Variants in NECAB1 observed in about 807,000 individuals in gnomAD.
NECAB1 encodes N-terminal EF-hand calcium binding protein 1, also known as N-terminal EF-hand calcium-binding protein 1.
NECAB1 carries 29 observed loss-of-function variants against 57.5 expected under a neutral mutation model. That is an observed-to-expected ratio of 0.50 (90% CI 0.38 to 0.69). The LOEUF (loss-of-function observed/expected upper bound fraction) is 0.69. NECAB1 is among the 30% of genes least tolerant of loss of function. The probability of loss-of-function intolerance (pLI) is 0.00; values close to 1 mark genes in which losing one functional copy is unlikely to be tolerated. For synonymous variants in NECAB1, 142 were observed against 147.7 expected (o/e 0.96, Z 0.28); for missense variants, 372 against 413.8 (o/e 0.90, Z 0.88).
At chr8:90,947,141 T>C (rs1468755620) in intron 10 of NECAB1, among the ~76,000 whole-genome samples, 3 of 152,140 alleles carry the variant, frequency 2.0e-5, no homozygotes, top group African/African-American at 4.8e-5. Context: ...TTAATAGATA[T>C]GTGCATTTTC....
At chr8:90,886,172 T>A (rs1038186544) in intron 5 of NECAB1, among the ~76,000 whole-genome samples, 4 of 152,136 alleles carry the variant, frequency 2.6e-5, no homozygotes, top group Admixed American at 2.6e-4. Flanking sequence ...CTTACTAGAA[T>A]GAAATATATC....
chr8:90,828,553 A>T (rs1327361326), intron 3 of NECAB1, among the ~76,000 whole-genome samples: 1 of 152,022 alleles, frequency 6.6e-6, no homozygotes, highest in Admixed American at 6.6e-5. Context: ...CAGAATTCCT[A>T]ATCTATATAT....
At chr8:90,872,012 T>A in intron 3 of NECAB1, 116 bp from the exon 4 acceptor site, 2 of 756,620 alleles carry the variant, frequency 2.6e-6, no homozygotes, top group Non-Finnish European at 4.4e-6. Flanking sequence ...ATACCTTAAC[T>A]ACATACCATC....
At chr8:90,908,077 A>T (rs571005119) in intron 5 of NECAB1, among the ~76,000 whole-genome samples, 28 of 152,316 alleles carry the variant, frequency 1.8e-4, no homozygotes, top group African/African-American at 6.7e-4. Context: ...TTTGTGTCTG[A>T]CAAATTTAGT....
chr8:90,954,808 TTATATG>T (rs1563548745), intron 12 of NECAB1, among the ~76,000 whole-genome samples: 2 of 149,062 alleles, frequency 1.3e-5, no homozygotes. Flanking sequence ...ACACATGTAT[TTATATG>T]TATATTATAT....
intron 2 of NECAB1, among the ~76,000 whole-genome samples, chr8:90,807,222 T>C (rs1212974535): frequency 6.6e-6 from 1 of 152,184 alleles, no homozygotes. Flanking sequence ...GCAATGAAAA[T>C]CCTAGCCTAA....
rs147047632 is a variant in NECAB1, at chr8:90,955,571, C to T, written c.*59C>T. The T allele has an allele frequency of 5.4e-5, 71 of 1,320,376 alleles. No homozygotes were observed. Among genetic ancestry groups the T allele is most frequent in the Non-Finnish European group, 6.9e-5 (66 of 961,766 alleles). The allele number at this position is 1,320,376 out of a possible 1,614,324, so 81.8% of individuals were successfully genotyped here. A position where few individuals can be genotyped will look rare whatever the true frequency, so the allele number is the denominator to read the frequency against. On this transcript the variant is annotated 3_prime_UTR_variant, in exon 13 of 13. Coordinates refer to ENST00000417640, the MANE Select transcript of NECAB1 (RefSeq NM_022351.5). ...GCAAAACAGGTGTTCTTATCTAAAA[C>T]GTCAATTAGAAAATTATCTGCGGTT...
At chr8:90,838,212 T>C (rs1040035775) in intron 3 of NECAB1, among the ~76,000 whole-genome samples, 4 of 152,200 alleles carry the variant, frequency 2.6e-5, no homozygotes, top group African/African-American at 9.6e-5. Context: ...TGATAGGTTC[T>C]TGGAAACTGA....
chr8:90,927,149 A>C (rs1201733027), intron 7 of NECAB1, among the ~76,000 whole-genome samples: 1 of 150,918 alleles, frequency 6.6e-6, no homozygotes, highest in Non-Finnish European at 1.5e-5. Context: ...AAAAACATAA[A>C]TTTTATTAGT....
chr8:90,824,583 A>G (rs1275442665), intron 2 of NECAB1, 134 bp from the exon 3 acceptor site: 1 of 486,976 alleles, frequency 2.1e-6, no homozygotes, highest in Non-Finnish European at 3.7e-6. Flanking sequence ...TTTCTTTTTA[A>G]CACCTTCAGC....
At chr8:90,872,407 C>T (rs1423874330) in intron 4 of NECAB1, 1 of 347,538 alleles carries the variant, frequency 2.9e-6, no homozygotes, top group Admixed American at 4.7e-5. Context: ...ATTAGTTTCG[C>T]AAGAGCAAAT....
intron 3 of NECAB1, among the ~76,000 whole-genome samples, chr8:90,865,525 A>G (rs1278031346): frequency 6.6e-6 from 1 of 152,218 alleles, no homozygotes; most frequent in South Asian, 2.1e-4. Context: ...GGTCTTAAGC[A>G]GAAGGGATTT....
chr8:90,953,824 T>C (rs1810964101), intron 12 of NECAB1, among the ~76,000 whole-genome samples: 1 of 152,134 alleles, frequency 6.6e-6, no homozygotes, highest in East Asian at 1.9e-4. Context: ...ATCCCAGCAC[T>C]TTGGGAGGCG....
At chr8:90,953,238 G>C (rs536438937) in intron 12 of NECAB1, among the ~76,000 whole-genome samples, 1 of 152,110 alleles carries the variant, frequency 6.6e-6, no homozygotes, top group Non-Finnish European at 1.5e-5. Context: ...TCAGTGAGGG[G>C]GAAAATGCTA....
chr8:90,909,814 C>T (rs1393647004), intron 5 of NECAB1, among the ~76,000 whole-genome samples: 1 of 152,016 alleles, frequency 6.6e-6, no homozygotes, highest in African/African-American at 2.4e-5. Flanking sequence ...ATACATATGG[C>T]ATACTTTCAG....
chr8:90,941,471 A>G (rs2130240810), intron 10 of NECAB1, among the ~76,000 whole-genome samples: 1 of 152,310 alleles, frequency 6.6e-6, no homozygotes, highest in Non-Finnish European at 1.5e-5. Context: ...AGCTACTAAA[A>G]TATACTATTC....
intron 2 of NECAB1, among the ~76,000 whole-genome samples, chr8:90,811,065 C>G (rs757508329): frequency 6.6e-6 from 1 of 151,728 alleles, no homozygotes; most frequent in Non-Finnish European, 1.5e-5. Context: ...CTCCTGCCTC[C>G]GCCTCCCGAG....
At chr8:90,875,011 G>T (rs558999042) in intron 4 of NECAB1, among the ~76,000 whole-genome samples, 1 of 151,732 alleles carries the variant, frequency 6.6e-6, no homozygotes, top group African/African-American at 2.4e-5. Context: ...TTAGGCAATT[G>T]TGTTTGAACT....
intron 4 of NECAB1, among the ~76,000 whole-genome samples, chr8:90,879,070 AATATATATT>A (rs566438783): frequency 0.041 from 5,821 of 142,518 alleles, 456 homozygotes; most frequent in African/African-American, 0.14. Flanking sequence ...TCTTATATAT[AATATATATT>A]ATATATATTA....
Sources: allele counts gnomAD v4.1 joint callset (sites outside exome capture counted in the v4.1 genomes callset), GRCh38; gene constraint gnomAD v4.1.1; transcripts MANE v1.5; gene names NCBI Gene and HGNC (gene_info 2026-07-23, HGNC 2026-07-21).